The following TUSC3 variants were observed in gnomAD, a reference collection of about 807,000 sequenced individuals.
TUSC3 encodes the protein tumor suppressor candidate 3.
TUSC3 carries 45 observed loss-of-function variants against 44.8 expected under a neutral mutation model. The observed-to-expected ratio is 1.00, with a 90% CI of 0.79 to 1.29. TUSC3 has a LOEUF of 1.29. Among genes scored for constraint, TUSC3 ranks in the 50% most tolerant of loss-of-function variants. The probability of loss-of-function intolerance (pLI) is 0.00; values close to 1 mark genes in which losing one functional copy is unlikely to be tolerated. For missense variants in TUSC3, 519 were observed against 437.9 expected (o/e 1.19, Z -1.65); for synonymous variants, 212 against 152.9 (o/e 1.39, Z -2.85).
chr8:15,799,544 A>AC, the TUSC3 span, among the ~76,000 whole-genome samples: 1 of 151,886 alleles, frequency 6.6e-6, no homozygotes, highest in African/African-American at 2.4e-5. Flanking sequence ...GTCAGCTGTG[A>AC]CCCCCTTCCC....
chr8:15,508,855 T>A (rs1054958539), intron 2 of TUSC3, among the ~76,000 whole-genome samples: 2 of 152,238 alleles, frequency 1.3e-5, no homozygotes, highest in African/African-American at 4.8e-5. Context: ...CTACTCACTC[T>A]GTCAACAGCT....
chr8:15,594,775 T>C (rs1295604840), intron 1 of TUSC3, among the ~76,000 whole-genome samples: 1 of 152,186 alleles, frequency 6.6e-6, no homozygotes, highest in Non-Finnish European at 1.5e-5. Context: ...AACTTGAGTT[T>C]GGTGAGATGG....
intron 2 of TUSC3, among the ~76,000 whole-genome samples, chr8:15,523,562 TG>T (rs573172843): frequency 2.0e-4 from 30 of 151,036 alleles, no homozygotes; most frequent in African/African-American, 7.1e-4. Context: ...AAATAATTTT[TG>T]CTTAAATAAT....
intron 2 of TUSC3, among the ~76,000 whole-genome samples, chr8:15,519,012 C>T (rs111384742): frequency 5.3e-5 from 8 of 152,250 alleles, no homozygotes; most frequent in African/African-American, 1.9e-4. Flanking sequence ...CATGAAATAG[C>T]ATCTGCTTAT....
At chr8:15,712,896 C>T (rs946264522) in intron 6 of TUSC3, among the ~76,000 whole-genome samples, 4 of 152,176 alleles carry the variant, frequency 2.6e-5, no homozygotes, top group African/African-American at 4.8e-5. Flanking sequence ...GTTCACTCCT[C>T]GGTACAGTTC....
rs75868685 is a variant in TUSC3, at chr8:15,659,871, G to C, written c.567+224G>C. ...TATTTTAAAAGCCATTAAAAATACA[G>C]GAGTTAAGCACAAGGTAATTTCAGA... On this transcript the variant is annotated intron_variant, in intron 4 of 10. Transcript: ENST00000503731. 6.4e-3 allele frequency among the ~76,000 whole-genome samples: 981 copies of C among 152,116 alleles called. 6 individuals are homozygous for C. The highest frequency in any genetic ancestry group is 9.8e-3 in the Non-Finnish European group (666 of 67,940).
At chr8:15,566,164 G>A (rs1030542213) in intron 1 of TUSC3, among the ~76,000 whole-genome samples, 1 of 152,084 alleles carries the variant, frequency 6.6e-6, no homozygotes, top group Non-Finnish European at 1.5e-5. Flanking sequence ...AGATGCTACA[G>A]TTTCCATATT....
At chr8:15,597,826 T>C (rs1412302547) in intron 1 of TUSC3, among the ~76,000 whole-genome samples, 3 of 152,082 alleles carry the variant, frequency 2.0e-5, no homozygotes, top group Non-Finnish European at 2.9e-5. Flanking sequence ...GAAATGAGTA[T>C]GGCCTACATT....
chr8:15,617,139 T>TGTGTG (rs772712798), intron 1 of TUSC3, among the ~76,000 whole-genome samples: 2 of 60,192 alleles, frequency 3.3e-5, no homozygotes, highest in African/African-American at 1.2e-4. Flanking sequence ...TGTGTATATA[T>TGTGTG]TTTTTTTTTT....
At chr8:15,793,406 C>G in the TUSC3 span, among the ~76,000 whole-genome samples, 1 of 152,122 alleles carries the variant, frequency 6.6e-6, no homozygotes, top group African/African-American at 2.4e-5. Context: ...CACACTTCCA[C>G]CTCAGGGCCT....
chr8:15,721,783 G>C (rs1034004869), intron 6 of TUSC3, among the ~76,000 whole-genome samples: 8 of 152,022 alleles, frequency 5.3e-5, no homozygotes, highest in African/African-American at 1.7e-4. Flanking sequence ...TCACAGGACA[G>C]ACTTTTTAAA....
chr8:15,472,103 T>C lies in TUSC3; in HGVS notation n.92-11283T>C, dbSNP rs552891707. The stretch of plus-strand genomic sequence containing the variant: ...AAATAATCCTTAGCTTTGAGAAAAC[T>C]TTTTAGGTATATTTTGTAATGGGAA... On this transcript the variant is annotated intron_variant and non_coding_transcript_variant, in intron 1 of 5. Coordinates refer to the TUSC3 transcript ENST00000503191. Among the ~76,000 whole-genome samples the C allele has an allele frequency of 7.9e-4, 121 of 152,312 alleles. 1 individual carries two copies. The highest frequency in any genetic ancestry group is 2.8e-3 in the African/African-American group (118 of 41,568).
intron 9 of TUSC3, among the ~76,000 whole-genome samples, chr8:15,756,993 T>G (rs902851631): frequency 3.3e-5 from 5 of 152,146 alleles, no homozygotes; most frequent in Admixed American, 1.3e-4. Flanking sequence ...AAAATTAGCC[T>G]GGCATGGTGG....
chr8:15,803,869 G>T, the TUSC3 span, among the ~76,000 whole-genome samples: 1 of 152,128 alleles, frequency 6.6e-6, no homozygotes, highest in Admixed American at 6.5e-5. Context: ...TCCCTGCAAA[G>T]GACATGAACT....
chr8:15,678,832 G>T (rs146268029), intron 6 of TUSC3, among the ~76,000 whole-genome samples: 17 of 151,986 alleles, frequency 1.1e-4, no homozygotes, highest in African/African-American at 4.1e-4. Flanking sequence ...GTATATGTTC[G>T]TATGCACCCA....
rs369256220 is a variant in TUSC3 at position 15,664,184 on chromosome 8, G to A, written c.708+1888G>A. 3.2e-4 allele frequency among the ~76,000 whole-genome samples: 48 copies of A among 151,762 alleles called. 1 individual carries two copies. Among genetic ancestry groups the A allele is most frequent in the Non-Finnish European group, 5.3e-4 (36 of 67,790 alleles). On this transcript the variant is annotated intron_variant, in intron 5 of 10. Coordinates refer to ENST00000503731, the MANE Select transcript of TUSC3 (RefSeq NM_006765.4). The stretch of plus-strand genomic sequence containing the variant: ...AAAGATTCAGTAATCTCAACTTGTA[G>A]AAGCTTACAAAGCTAGAATGTGATT...
chr8:15,637,196 C>T (rs1376745727), intron 2 of TUSC3, among the ~76,000 whole-genome samples: 1 of 152,038 alleles, frequency 6.6e-6, no homozygotes, highest in East Asian at 1.9e-4. Flanking sequence ...TCTAATTCTC[C>T]ATATGTTTAA....
At chr8:15,681,538 G>A (rs1808430674) in intron 6 of TUSC3, among the ~76,000 whole-genome samples, 1 of 140,066 alleles carries the variant, frequency 7.1e-6, no homozygotes, top group African/African-American at 2.7e-5. Context: ...ATTTCCGATT[G>A]TGCTTATTTG....
chr8:15,444,297 G>A (rs919588328), intron 1 of TUSC3, among the ~76,000 whole-genome samples: 3 of 152,132 alleles, frequency 2.0e-5, no homozygotes, highest in Non-Finnish European at 4.4e-5. Context: ...TCAAGGAGAC[G>A]GTCATGATAG....
Sources: gnomAD v4.1 joint callset for allele counts (sites outside exome capture counted in the v4.1 genomes callset) on GRCh38, gnomAD v4.1.1 for gene constraint, MANE v1.5 for transcripts, NCBI Gene and HGNC (gene_info 2026-07-23, HGNC 2026-07-21) for gene names.